The following DCLK1 variants were observed in gnomAD, a reference collection of about 807,000 sequenced individuals.
DCLK1 encodes the protein serine/threonine-protein kinase DCLK1.
In DCLK1, 16 loss-of-function variants were observed where a neutral mutation model predicts 86.2. The ratio of observed to expected loss-of-function variants is 0.19; its 90% CI spans 0.13 to 0.28. The LOEUF (loss-of-function observed/expected upper bound fraction) is 0.28, where lower values mean the gene tolerates loss of function less well. Among genes scored for constraint, DCLK1 ranks in the 10% least tolerant of loss-of-function variants. The pLI is 1.00. For missense variants in DCLK1, 590 were observed against 940.2 expected (o/e 0.63, Z 4.87); for synonymous variants, 369 against 370.5 (o/e 1.00, Z 0.05).
intron 16 of DCLK1, among the ~76,000 whole-genome samples, chr13:35,783,511 G>A (rs975298978): frequency 6.6e-6 from 1 of 152,070 alleles, no homozygotes; most frequent in Admixed American, 6.6e-5. Flanking sequence ...CAAACCCAGG[G>A]CTTCTTGACT....
intron 15 of DCLK1, among the ~76,000 whole-genome samples, chr13:35,799,975 G>A (rs1019926234): frequency 6.6e-6 from 1 of 152,178 alleles, no homozygotes; most frequent in Non-Finnish European, 1.5e-5. Flanking sequence ...GGATAATTTT[G>A]TTGGTATTTT....
intron 5 of DCLK1, among the ~76,000 whole-genome samples, chr13:35,858,938 C>T (rs1288683727): frequency 6.6e-6 from 1 of 152,206 alleles, no homozygotes; most frequent in Non-Finnish European, 1.5e-5. Flanking sequence ...TGGTTCTTGA[C>T]ATCCAGAAAG....
intron 5 of DCLK1, among the ~76,000 whole-genome samples, chr13:35,863,025 T>TGTGCAAATGCTTATCA: frequency 6.6e-6 from 1 of 152,240 alleles, no homozygotes; most frequent in Non-Finnish European, 1.5e-5. Context: ...CCTGTTGAGA[T>TGTGCAAATGCTTATCA]GTGCAAATGC....
At chr13:35,837,392 GA>G (rs1249522915) in intron 7 of DCLK1, among the ~76,000 whole-genome samples, 1 of 152,150 alleles carries the variant, frequency 6.6e-6, no homozygotes, top group Non-Finnish European at 1.5e-5. Context: ...TACCCTGCTA[GA>G]AGCCATCTAG....
At chr13:36,098,803 C>T (rs1317715325) in intron 3 of DCLK1, among the ~76,000 whole-genome samples, 1 of 152,086 alleles carries the variant, frequency 6.6e-6, no homozygotes, top group Non-Finnish European at 1.5e-5. Flanking sequence ...ATTCCCAATA[C>T]ATCTTAATGG....
intron 16 of DCLK1, among the ~76,000 whole-genome samples, chr13:35,784,312 A>C (rs2086582209): frequency 6.6e-6 from 1 of 152,230 alleles, no homozygotes; most frequent in South Asian, 2.1e-4. Flanking sequence ...TTTTAGTAAT[A>C]AGTAAGCTAA....
chr13:35,972,667 T>A (rs559956239), intron 3 of DCLK1, among the ~76,000 whole-genome samples: 1 of 150,194 alleles, frequency 6.7e-6, no homozygotes, highest in South Asian at 2.1e-4. Flanking sequence ...TGAGACAGAG[T>A]GGGAAGGAAG....
At chr13:36,070,015 T>C (rs1042600642) in intron 3 of DCLK1, among the ~76,000 whole-genome samples, 8 of 151,708 alleles carry the variant, frequency 5.3e-5, no homozygotes, top group African/African-American at 1.9e-4. Context: ...CGGTGAAGAG[T>C]GAGGTTAGAA....
chr13:35,888,234 C>T (rs1172881306), intron 4 of DCLK1, among the ~76,000 whole-genome samples: 1 of 152,002 alleles, frequency 6.6e-6, no homozygotes, highest in South Asian at 2.1e-4. Context: ...TAATAAAATC[C>T]TTGGTTGTAT....
intron 3 of DCLK1, among the ~76,000 whole-genome samples, chr13:35,983,057 C>T (rs909653844): frequency 1.2e-4 from 18 of 152,096 alleles, no homozygotes; most frequent in African/African-American, 3.1e-4. Flanking sequence ...AGCCACTGCA[C>T]CCGACCATGA....
intron 3 of DCLK1, among the ~76,000 whole-genome samples, chr13:36,110,118 T>C (rs1173951761): frequency 6.6e-6 from 1 of 152,198 alleles, no homozygotes; most frequent in African/African-American, 2.4e-5. Context: ...TAAATATTTA[T>C]GAAAATAGAT....
At chr13:35,875,321 T>C (rs1008204115) in intron 4 of DCLK1, among the ~76,000 whole-genome samples, 2 of 152,178 alleles carry the variant, frequency 1.3e-5, no homozygotes, top group African/African-American at 4.8e-5. Context: ...ATAGTTAAGA[T>C]AGAAAGCTAA....
intron 2 of DCLK1, among the ~76,000 whole-genome samples, chr13:36,114,538 A>G (rs1248467402): frequency 6.6e-6 from 1 of 152,252 alleles, no homozygotes; most frequent in Non-Finnish European, 1.5e-5. Context: ...TCAGGAATTC[A>G]GGAAAGGCCC....
intron 3 of DCLK1, among the ~76,000 whole-genome samples, chr13:36,050,514 T>C (rs1883085048): frequency 6.6e-6 from 1 of 152,168 alleles, no homozygotes; most frequent in Non-Finnish European, 1.5e-5. Flanking sequence ...CACAAAATCC[T>C]AATTTGGTTT....
At chr13:35,788,235 C>T (rs778003350) in intron 16 of DCLK1, 1 of 1,613,920 alleles carries the variant, frequency 6.2e-7, no homozygotes, top group South Asian at 1.1e-5. Flanking sequence ...TTCCTGGTTG[C>T]TGGTAGTAGT....
At chr13:36,036,942 G>A (rs775451909) in intron 3 of DCLK1, among the ~76,000 whole-genome samples, 1 of 152,032 alleles carries the variant, frequency 6.6e-6, no homozygotes, top group Non-Finnish European at 1.5e-5. Flanking sequence ...CATGTCTATT[G>A]CAGCGCTAGT....
At position 35,845,045 on chromosome 13, in the gene DCLK1, C is replaced by T. The variant is rs547599350; in HGVS notation, c.1036-5869G>A. Among the ~76,000 whole-genome samples, 793 of 152,184 alleles carry T rather than the reference C, an allele frequency of 5.2e-3. 7 individuals carry two copies. The highest frequency in any genetic ancestry group is 0.016 in the African/African-American group (654 of 41,546). On this transcript the variant is annotated intron_variant, in intron 6 of 16. Coordinates refer to ENST00000360631, the MANE Select transcript of DCLK1 (RefSeq NM_001330071.2). The stretch of plus-strand genomic sequence containing the variant: ...GGTGGATCACTTGAGGTCAGGAGTT[C>T]GAGAACAGCCTGGCCAACATGGCGA...
At chr13:35,921,174 C>A (rs1326264726) in intron 4 of DCLK1, among the ~76,000 whole-genome samples, 1 of 152,178 alleles carries the variant, frequency 6.6e-6, no homozygotes, top group Non-Finnish European at 1.5e-5. Flanking sequence ...CCAGGATATC[C>A]CAAATCCGTA....
intron 5 of DCLK1, among the ~76,000 whole-genome samples, chr13:35,865,180 T>A (rs886274229): frequency 3.3e-5 from 5 of 152,076 alleles, no homozygotes; most frequent in Non-Finnish European, 7.4e-5. Flanking sequence ...ATAAAAAAAA[T>A]TGCTTAAAAG....
Sources: allele counts gnomAD v4.1 joint callset (sites outside exome capture counted in the v4.1 genomes callset), GRCh38; gene constraint gnomAD v4.1.1; transcripts MANE v1.5; gene names NCBI Gene and HGNC (gene_info 2026-07-23, HGNC 2026-07-21).